Variants in SPRYD3 observed in about 807,000 individuals in gnomAD.
The protein encoded by SPRYD3 is SPRY domain-containing protein 3.
A neutral mutation model predicts 50.1 loss-of-function variants in SPRYD3; 17 were observed. That is an observed-to-expected ratio of 0.34 (90% CI 0.23 to 0.51). The LOEUF (loss-of-function observed/expected upper bound fraction) is 0.51, where lower values mean the gene tolerates loss of function less well. Ranked by LOEUF, SPRYD3 falls within the 20% of genes least tolerant of loss-of-function variation. The pLI is 0.97. For missense variants in SPRYD3, 401 were observed against 591.2 expected (o/e 0.68, Z 3.34); for synonymous variants, 198 against 215.5 (o/e 0.92, Z 0.71).
chr12:53,068,096 C>G (rs1270192224), intron 7 of SPRYD3, 59 bp downstream of exon 7: 1 of 1,597,386 alleles, frequency 6.3e-7, no homozygotes, highest in Non-Finnish European at 8.6e-7. Flanking sequence ...CTGGTGCTGC[C>G]CCAACAGCCC....
rs1230808905 is a variant in SPRYD3 at position 53,066,598 on chromosome 12, G to A, written c.996C>T (p.Pro332=). ...CCTCACTGTCCAAAATGTAGTCCCG[G>A]GGGAACATGATTCCACAGCCCATGA... ...GDIMGCGIMF[P]RDYILDSEGD... Residue 332 remains proline (P), a synonymous_variant, in exon 9 of 11, where the codon CCC becomes CCT. Transcript: ENST00000301463. The A allele has an allele frequency of 6.8e-6, 11 of 1,613,968 alleles. No individual in the cohort carries two copies. Among genetic ancestry groups the A allele is most frequent in the Non-Finnish European group, 9.3e-6 (11 of 1,179,942 alleles).
At position 53,065,229 on chromosome 12, in the gene SPRYD3, A is replaced by C. The variant is rs1003778941; in HGVS notation, c.*603T>G. On this transcript the variant is annotated 3_prime_UTR_variant, in exon 11 of 11. Transcript: ENST00000301463. Reference sequence around the variant, plus strand: ...AGACCTAGATCCTCTGTGGTGCCTGAGCAGGTTGGGGTGGGGAGCCAGCTC... The same window carrying C: ...AGACCTAGATCCTCTGTGGTGCCTGCGCAGGTTGGGGTGGGGAGCCAGCTC... The C allele has an allele frequency of 1.3e-5, 2 of 152,716 alleles. No individual in the cohort carries two copies. Among genetic ancestry groups the C allele is most frequent in the African/African-American group, 4.8e-5 (2 of 41,446 alleles). The allele number at this position is 152,716 out of a possible 1,614,324, so 9.5% of individuals were successfully genotyped here. A position where few individuals can be genotyped will look rare whatever the true frequency, so the allele number is the denominator to read the frequency against.
chr12:53,073,256 G>GGCCCCGGGGGGGC, intron 6 of SPRYD3, 30 bp downstream of exon 6: 1 of 424,134 alleles, frequency 2.4e-6, no homozygotes, highest in East Asian at 3.8e-5. Flanking sequence ...CTCCGACCCA[G>GGCCCCGGGGGGGC]CCCCTCCCAC....
chr12:53,075,295 T>G (rs1428997297), intron 3 of SPRYD3, 76 bp from the exon 4 acceptor site: 1 of 1,512,424 alleles, frequency 6.6e-7, no homozygotes, highest in Non-Finnish European at 9.1e-7. Context: ...GGAAGGGGAC[T>G]TAGAGATTAA....
intron 6 of SPRYD3, among the ~76,000 whole-genome samples, chr12:53,071,163 G>A (rs1266975152): frequency 2.0e-5 from 3 of 152,204 alleles, no homozygotes; most frequent in African/African-American, 7.2e-5. Flanking sequence ...AACTGAAACA[G>A]GAACCAAGTA....
chr12:53,074,834 TCTC>T lies in SPRYD3; in HGVS notation c.372-53_372-51del, dbSNP rs1944576978. The T allele has an allele frequency of 6.2e-7, 1 of 1,605,912 alleles. No individual in the cohort carries two copies. The highest frequency in any genetic ancestry group is 8.5e-7 in the Non-Finnish European group (1 of 1,173,902). ...AGGACCCGAGCCTGGCCTCCCAACT[TCTC>T]CCCAGCACTGACAGCAGAGGCCTCA... is the stretch of plus-strand genomic sequence containing the variant. On this transcript the variant is annotated intron_variant, in intron 4 of 10. Transcript: ENST00000301463. The surrounding 1 kb of genome is among the most constrained non-coding windows in gnomAD (Gnocchi z 4.6).
At chr12:53,066,548 G>C in intron 9 of SPRYD3, 25 bp downstream of exon 9, 1 of 1,613,886 alleles carries the variant, frequency 6.2e-7, no homozygotes, top group Non-Finnish European at 8.5e-7. Context: ...CAAGCAGCCT[G>C]GCTGGCCACC....
At chr12:53,070,207 G>C (rs1944539615) in intron 6 of SPRYD3, among the ~76,000 whole-genome samples, 2 of 152,246 alleles carry the variant, frequency 1.3e-5, no homozygotes, top group South Asian at 4.1e-4. Context: ...GGCTTGTACA[G>C]CGTGCCCTCT....
chr12:53,075,819 A>C lies in SPRYD3; in HGVS notation c.171-8T>G. ...CCAGAGTTTCCATGATAACTGAAGG[A>C]GGAATGAGGGGGGAATTCCATTAGC... On this transcript the variant is annotated splice_region_variant and splice_polypyrimidine_tract_variant and intron_variant, in intron 2 of 10. Coordinates refer to ENST00000301463, the MANE Select transcript of SPRYD3 (RefSeq NM_032840.3). 6.2e-7 allele frequency: 1 copy of C among 1,612,964 alleles called. No individual in the cohort carries two copies. The highest frequency in any genetic ancestry group is 8.5e-7 in the Non-Finnish European group (1 of 1,178,992).
In SPRYD3 at chr12:53,065,524, C is replaced by G. The variant is rs75346079; in HGVS notation, c.*308G>C. On this transcript the variant is annotated 3_prime_UTR_variant, in exon 11 of 11. Transcript: ENST00000301463. ...TCACGCCTCTCCACCCACACAGGGC[C>G]GGTGAGGGAAAGGGGGACCCAGAAG... 1 of 333,734 alleles carries G rather than the reference C, an allele frequency of 3.0e-6. No homozygotes were observed. The allele number at this position is 333,734 out of a possible 1,614,324, so 20.7% of individuals were successfully genotyped here.
In SPRYD3 at chr12:53,065,977, G is replaced by C. The variant is rs1944501237; in HGVS notation, c.1195-11C>G. ...CCGAGTGAAGAAAACCTGGGGAGGAGGTGGGGAGAAGAATGGAGCAAGCAG... is the reference window on the plus strand; with the variant it reads ...CCGAGTGAAGAAAACCTGGGGAGGACGTGGGGAGAAGAATGGAGCAAGCAG... On this transcript the variant is annotated splice_polypyrimidine_tract_variant and intron_variant, in intron 10 of 10. Coordinates refer to ENST00000301463, the MANE Select transcript of SPRYD3 (RefSeq NM_032840.3). 2 of 1,610,520 alleles carry C rather than the reference G, an allele frequency of 1.2e-6. No individual in the cohort carries two copies. The highest frequency in any genetic ancestry group is 1.3e-5 in the African/African-American group (1 of 74,886).
Position 53,066,432 on chromosome 12 carries a change from A to T in SPRYD3, c.1076T>A (p.Val359Asp). The T allele has an allele frequency of 6.2e-7, 1 of 1,613,552 alleles. No homozygotes were observed. Among genetic ancestry groups the T allele is most frequent in the Non-Finnish European group, 8.5e-7 (1 of 1,179,920 alleles). The part of the protein sequence containing the change: ...TVILSPTARA[V>D]RNVRNVMYLH... ...GTACATGACATTCCGCACGTTCCGG[A>T]CGGCCCGGGCAGTCGGAGACAGGAT... Residue 359 changes from valine to aspartate, a missense_variant, in exon 10 of 11, where the codon GTC becomes GAC. Physicochemically the swap from Val to Asp is radical, Grantham distance 152 (BLOSUM62 -3). Coordinates refer to ENST00000301463, the MANE Select transcript of SPRYD3 (RefSeq NM_032840.3).
intron 4 of SPRYD3, 25 bp downstream of exon 4, chr12:53,075,069 GC>G (rs1944578880): frequency 6.2e-7 from 1 of 1,606,354 alleles, no homozygotes; most frequent in African/African-American, 1.3e-5. Flanking sequence ...TAGGAAAAGG[GC>G]CGGGTTGCAC....
chr12:53,073,255 A>AGGCCCCGGGGGGGGG, intron 6 of SPRYD3, 31 bp downstream of exon 6: 5 of 383,664 alleles, frequency 1.3e-5, no homozygotes, highest in Non-Finnish European at 2.5e-5. Flanking sequence ...CCTCCGACCC[A>AGGCCCCGGGGGGGGG]GCCCCTCCCA....
chr12:53,070,680 C>T (rs1284344943), intron 6 of SPRYD3, among the ~76,000 whole-genome samples: 1 of 152,210 alleles, frequency 6.6e-6, no homozygotes, highest in East Asian at 1.9e-4. Context: ...ATTGCTGCCT[C>T]TCCCTAAATC....
chr12:53,073,260 C>CGGGGGGGGGGGGGGGGGGGG, intron 6 of SPRYD3, 26 bp downstream of exon 6: 4 of 416,306 alleles, frequency 9.6e-6, no homozygotes, highest in East Asian at 3.8e-5. Flanking sequence ...GACCCAGCCC[C>CGGGGGGGGGGGGGGGGGGGG]TCCCACCCTC....
intron 6 of SPRYD3, among the ~76,000 whole-genome samples, chr12:53,072,528 G>C (rs1426953430): frequency 1.3e-5 from 2 of 152,236 alleles, no homozygotes; most frequent in African/African-American, 4.8e-5. Context: ...AGAGGTCAGG[G>C]CCAGATCCCG....
In SPRYD3 at chr12:53,065,955, A is replaced by C; in HGVS notation, c.1206T>G (p.Thr402=). The C allele has an allele frequency of 6.2e-7, 1 of 1,613,044 alleles. No individual in the cohort carries two copies. The highest frequency in any genetic ancestry group is 8.5e-7 in the Non-Finnish European group (1 of 1,179,194). The change falls in exon 11 of 11, where the codon ACT becomes ACG. Residue 402 remains threonine, a synonymous_variant. Transcript: ENST00000301463. Reference sequence around the variant, plus strand: ...TCTTCCCAATGATCTTGCCATTCCGAGTGAAGAAAACCTGGGGAGGAGGTG... The same window carrying C: ...TCTTCCCAATGATCTTGCCATTCCGCGTGAAGAAAACCTGGGGAGGAGGTG... ...HEGRKVVVFF[T]RNGKIIGKKD...
chr12:53,073,255 A>AGCCCCCGGGGGGGGGGGG, intron 6 of SPRYD3, 31 bp downstream of exon 6: 11 of 383,662 alleles, frequency 2.9e-5, no homozygotes, highest in Admixed American at 4.5e-5. Flanking sequence ...CCTCCGACCC[A>AGCCCCCGGGGGGGGGGGG]GCCCCTCCCA....
Sources: allele counts gnomAD v4.1 joint callset (sites outside exome capture counted in the v4.1 genomes callset), GRCh38; gene constraint gnomAD v4.1.1; non-coding constraint Gnocchi (gnomAD v3.1); transcripts MANE v1.5; gene names NCBI Gene and HGNC (gene_info 2026-07-23, HGNC 2026-07-21).